The following GULP1 variants were observed in gnomAD, a reference collection of about 807,000 sequenced individuals.
GULP1 encodes GULP PTB domain containing engulfment adaptor 1.
In GULP1, 19 loss-of-function variants were observed where a neutral mutation model predicts 40.9. The observed-to-expected ratio is 0.46, with a 90% CI of 0.32 to 0.68. GULP1 has a LOEUF of 0.68. Ranked by LOEUF, GULP1 falls within the 30% of genes least tolerant of loss-of-function variation. The pLI, the probability that GULP1 is intolerant of heterozygous loss-of-function variation, is 0.03. For missense variants in GULP1, 312 were observed against 362.2 expected (o/e 0.86, Z 1.12); for synonymous variants, 119 against 117.6 (o/e 1.01, Z -0.08).
At chr2:188,303,423 A>C (rs145583880) in intron 1 of GULP1, among the ~76,000 whole-genome samples, 1 of 152,330 alleles carries the variant, frequency 6.6e-6, no homozygotes, top group African/African-American at 2.4e-5. Context: ...GCAAAGTGTC[A>C]TAATGGGCAG....
intron 1 of GULP1, among the ~76,000 whole-genome samples, chr2:188,380,550 C>G (rs192702642): frequency 6.6e-6 from 1 of 151,086 alleles, no homozygotes; most frequent in African/African-American, 2.4e-5. Context: ...ACAGGACAAA[C>G]AAGAAAAAAA....
At chr2:188,342,299 T>G (rs976693123) in intron 1 of GULP1, among the ~76,000 whole-genome samples, 3 of 152,146 alleles carry the variant, frequency 2.0e-5, no homozygotes, top group Non-Finnish European at 2.9e-5. Context: ...TAGCCCTTGG[T>G]GGTGGCTGGT....
intron 1 of GULP1, among the ~76,000 whole-genome samples, chr2:188,348,845 G>A (rs757826857): frequency 1.1e-4 from 17 of 152,098 alleles, no homozygotes; most frequent in Non-Finnish European, 1.6e-4. Context: ...AAGGATGACC[G>A]TACTTTATCT....
chr2:188,580,274 C>T (rs938722064), intron 9 of GULP1, among the ~76,000 whole-genome samples: 2 of 152,162 alleles, frequency 1.3e-5, no homozygotes, highest in African/African-American at 4.8e-5. Flanking sequence ...GAGATCAAGG[C>T]CGGGCGCGGT....
At chr2:188,483,157 G>A (rs541793644) in intron 3 of GULP1, among the ~76,000 whole-genome samples, 2 of 152,066 alleles carry the variant, frequency 1.3e-5, no homozygotes, top group African/African-American at 4.8e-5. Context: ...ATAGCCCACT[G>A]ATGTGGTTTT....
chr2:188,532,426 T>G (rs1017744309), intron 6 of GULP1, among the ~76,000 whole-genome samples: 1 of 152,144 alleles, frequency 6.6e-6, no homozygotes, highest in Non-Finnish European at 1.5e-5. Flanking sequence ...TAACTACCGC[T>G]ACAAGATGGC....
chr2:188,486,264 G>A (rs770628328), intron 4 of GULP1, among the ~76,000 whole-genome samples: 27 of 151,988 alleles, frequency 1.8e-4, no homozygotes, highest in Non-Finnish European at 3.1e-4. Context: ...GTTTACCATA[G>A]GGTAGTAGAT....
intron 4 of GULP1, among the ~76,000 whole-genome samples, chr2:188,506,303 G>T (rs996066611): frequency 9.9e-5 from 15 of 151,754 alleles, no homozygotes; most frequent in African/African-American, 3.6e-4. Flanking sequence ...GGGAGAACTA[G>T]CAATGATAAA....
chr2:188,499,752 A>G (rs1341967666), intron 4 of GULP1, among the ~76,000 whole-genome samples: 1 of 151,834 alleles, frequency 6.6e-6, no homozygotes, highest in Non-Finnish European at 1.5e-5. Flanking sequence ...CAGAAATATA[A>G]GAGTAGAGGA....
At chr2:188,344,381 G>C (rs942210338) in intron 1 of GULP1, among the ~76,000 whole-genome samples, 3 of 152,116 alleles carry the variant, frequency 2.0e-5, no homozygotes, top group Non-Finnish European at 4.4e-5. Context: ...TCTGGTGAGT[G>C]GTGAGCTGGT....
At chr2:188,399,587 C>G (rs1223184141) in intron 2 of GULP1, among the ~76,000 whole-genome samples, 2 of 146,670 alleles carry the variant, frequency 1.4e-5, no homozygotes, top group African/African-American at 5.0e-5. Flanking sequence ...GGTGCAGTGG[C>G]TTATATCTGT....
chr2:188,566,672 T>C (rs1697760360), intron 7 of GULP1, among the ~76,000 whole-genome samples: 1 of 151,488 alleles, frequency 6.6e-6, no homozygotes, highest in South Asian at 2.1e-4. Context: ...GGTGCGTGCC[T>C]GTAGTCCCAG....
At chr2:188,436,362 A>C (rs1375416519) in intron 2 of GULP1, among the ~76,000 whole-genome samples, 1 of 152,124 alleles carries the variant, frequency 6.6e-6, no homozygotes, top group African/African-American at 2.4e-5. Context: ...ATAGGAAGTA[A>C]TACAATAGTA....
At chr2:188,361,485 G>A (rs573303538) in intron 1 of GULP1, among the ~76,000 whole-genome samples, 20 of 151,926 alleles carry the variant, frequency 1.3e-4, no homozygotes, top group Non-Finnish European at 2.1e-4. Flanking sequence ...AAGTGTTGGC[G>A]GAAACTATGA....
intron 1 of GULP1, among the ~76,000 whole-genome samples, chr2:188,341,385 A>G (rs112097607): frequency 2.2e-3 from 338 of 152,242 alleles, no homozygotes; most frequent in Middle Eastern, 6.8e-3. Flanking sequence ...ACCATTCATG[A>G]GAAATCCACT....
At chr2:188,330,062 A>C (rs1391401086) in intron 1 of GULP1, among the ~76,000 whole-genome samples, 2 of 152,174 alleles carry the variant, frequency 1.3e-5, no homozygotes, top group Admixed American at 1.3e-4. Context: ...AGTCGTCATC[A>C]TATAGGTAGT....
At chr2:188,527,430 A>G (rs1027492204) in intron 5 of GULP1, among the ~76,000 whole-genome samples, 11 of 152,158 alleles carry the variant, frequency 7.2e-5, no homozygotes, top group African/African-American at 2.2e-4. Flanking sequence ...AAGCCTTCCT[A>G]TATGAAAACC....
intron 5 of GULP1, among the ~76,000 whole-genome samples, chr2:188,526,641 A>G (rs535615048): frequency 1.3e-5 from 2 of 152,294 alleles, no homozygotes; most frequent in South Asian, 2.1e-4. Context: ...ACTGAATAAA[A>G]TATAGATTGA....
intron 6 of GULP1, among the ~76,000 whole-genome samples, chr2:188,538,871 GA>G (rs566567324): frequency 5.5e-4 from 83 of 151,904 alleles, no homozygotes; most frequent in African/African-American, 2.0e-3. Context: ...TTGATATTTA[GA>G]AAAAAACAAA....
Sources: allele counts gnomAD v4.1 joint callset (sites outside exome capture counted in the v4.1 genomes callset), GRCh38; gene constraint gnomAD v4.1.1; transcripts MANE v1.5; gene names NCBI Gene and HGNC (gene_info 2026-07-23, HGNC 2026-07-21).